PCDHA8: variants seen among roughly 807,000 people sequenced by gnomAD.
The protein encoded by PCDHA8 is protocadherin alpha 8.
Under a neutral mutation model 61.8 loss-of-function variants are expected in PCDHA8, and 53 were observed. The ratio of observed to expected loss-of-function variants is 0.86; its 90% CI spans 0.69 to 1.08. The LOEUF (loss-of-function observed/expected upper bound fraction) is 1.08. Ranked by LOEUF, PCDHA8 falls within the 50% of genes least tolerant of loss-of-function variation. The pLI is 0.00. For missense variants in PCDHA8, 1,293 were observed against 1,245.0 expected (o/e 1.04, Z -0.58); for synonymous variants, 618 against 556.6 (o/e 1.11, Z -1.55).
At chr5:140,956,724 C>T (rs2095305540) in intron 1 of PCDHA8, among the ~76,000 whole-genome samples, 1 of 152,176 alleles carries the variant, frequency 6.6e-6, no homozygotes, top group South Asian at 2.1e-4. Flanking sequence ...AGAATTGGTA[C>T]CAGCTCCTCT....
At chr5:140,969,131 A>C in intron 1 of PCDHA8, 1 of 1,614,138 alleles carries the variant, frequency 6.2e-7, no homozygotes, top group African/African-American at 1.3e-5. Flanking sequence ...CTCCCTCACC[A>C]AGACCTACTG....
At chr5:140,875,874 A>C in intron 1 of PCDHA8, 1 of 1,614,188 alleles carries the variant, frequency 6.2e-7, no homozygotes, top group Non-Finnish European at 8.5e-7. Flanking sequence ...CGGTGTTCAG[A>C]GAAAGGGAAC....
intron 1 of PCDHA8, chr5:140,882,051 A>T: frequency 1.3e-6 from 1 of 757,670 alleles, no homozygotes; most frequent in Non-Finnish European, 2.0e-6. Flanking sequence ...AGTCATACTT[A>T]CACTTACACG....
chr5:140,872,729 A>T (rs578008508), intron 1 of PCDHA8, among the ~76,000 whole-genome samples: 15 of 152,366 alleles, frequency 9.8e-5, no homozygotes, highest in African/African-American at 3.6e-4. Flanking sequence ...AAATTATTCA[A>T]ATTATCTAAA....
In PCDHA8 at chr5:140,869,463, C is replaced by A. The variant is rs1554163094; in HGVS notation, c.2394+25748C>A. On this transcript the variant is annotated intron_variant, in intron 1 of 3. Transcript: ENST00000531613. ...GGCCGCTGCAGGTTTTCCATGTGAACGTGGAGGTGAAGGACATTAACGACA... is the reference window on the plus strand; with the variant it reads ...GGCCGCTGCAGGTTTTCCATGTGAAAGTGGAGGTGAAGGACATTAACGACA... 2 of 1,614,148 alleles carry A rather than the reference C, an allele frequency of 1.2e-6. No homozygotes were observed. Among genetic ancestry groups the A allele is most frequent in the Admixed American group, 1.7e-5 (1 of 60,024 alleles).
intron 3 of PCDHA8, among the ~76,000 whole-genome samples, chr5:141,001,365 T>C (rs577695639): frequency 6.6e-6 from 1 of 152,354 alleles, no homozygotes; most frequent in African/African-American, 2.4e-5. Context: ...AGCCTACTAT[T>C]CTGATTACAG....
Position 140,924,886 on chromosome 5 carries a change from A to C in PCDHA8, c.2395-54063A>C, listed in dbSNP as rs190850675. ...CTCCAGCCTGGGTGACAGAGCAAGAACCTGTCTCAAAAAAAAAAATAAAAT... is the reference window on the plus strand; with the variant it reads ...CTCCAGCCTGGGTGACAGAGCAAGACCCTGTCTCAAAAAAAAAAATAAAAT... On this transcript the variant is annotated intron_variant, in intron 1 of 3. Transcript: ENST00000531613. Among the ~76,000 whole-genome samples, 1,191 of 137,252 alleles carry C rather than the reference A, an allele frequency of 8.7e-3. 7 individuals carry two copies. Among genetic ancestry groups the C allele is most frequent in the African/African-American group, 0.022 (767 of 35,510 alleles). The allele number at this position is 137,252 out of a possible 152,430, so 90.0% of individuals were successfully genotyped here.
At position 140,856,841 on chromosome 5, in the gene PCDHA8, G is replaced by A. The variant is rs781868199; in HGVS notation, c.2394+13126G>A. On this transcript the variant is annotated intron_variant, in intron 1 of 3. Transcript: ENST00000531613. Reference sequence around the variant, plus strand: ...CCAAACATTAGTAATACGGCTCAACGCTTCTGATTCGGATGAAGGAATAAA... The same window carrying A: ...CCAAACATTAGTAATACGGCTCAACACTTCTGATTCGGATGAAGGAATAAA... 1.3e-5 allele frequency: 20 copies of A among 1,592,418 alleles called. 3 individuals are homozygous for A. The highest frequency in any genetic ancestry group is 3.4e-5 in the Admixed American group (2 of 59,178).
chr5:140,971,192 A>G (rs1450514781), intron 1 of PCDHA8, among the ~76,000 whole-genome samples: 3 of 152,178 alleles, frequency 2.0e-5, no homozygotes, highest in Non-Finnish European at 4.4e-5. Context: ...GGAAGCTCAG[A>G]GGAAAGACAC....
intron 1 of PCDHA8, among the ~76,000 whole-genome samples, chr5:140,974,144 A>G (rs868918794): frequency 5.9e-5 from 9 of 152,268 alleles, no homozygotes; most frequent in African/African-American, 1.7e-4. Context: ...CCTGAAAACT[A>G]TACAAGGGTT....
chr5:140,869,233 T>G (rs782097851), intron 1 of PCDHA8: 7 of 1,613,700 alleles, frequency 4.3e-6, no homozygotes, highest in Non-Finnish European at 5.9e-6. Context: ...ACACGGCACC[T>G]TCGTGGGCCG....
intron 1 of PCDHA8, among the ~76,000 whole-genome samples, chr5:140,917,503 T>G (rs1423295268): frequency 6.6e-6 from 1 of 152,208 alleles, no homozygotes; most frequent in African/African-American, 2.4e-5. Flanking sequence ...AGAATGATAT[T>G]TTCTAGGTTT....
chr5:140,983,275 A>C (rs1279699182), intron 3 of PCDHA8, among the ~76,000 whole-genome samples: 1 of 152,230 alleles, frequency 6.6e-6, no homozygotes, highest in Non-Finnish European at 1.5e-5. Flanking sequence ...TGGCTGGGTG[A>C]GTATAGGAAA....
intron 1 of PCDHA8, among the ~76,000 whole-genome samples, chr5:140,943,736 A>G (rs913454195): frequency 3.3e-5 from 5 of 152,266 alleles, no homozygotes; most frequent in Non-Finnish European, 7.3e-5. Context: ...ATGAAAGTCC[A>G]CAGTCTAAAA....
chr5:140,906,878 C>T (rs557095374), intron 1 of PCDHA8, among the ~76,000 whole-genome samples: 1 of 152,332 alleles, frequency 6.6e-6, no homozygotes, highest in East Asian at 1.9e-4. Context: ...AACACTGTAA[C>T]TTCCTTCTTA....
intron 1 of PCDHA8, among the ~76,000 whole-genome samples, chr5:140,893,180 C>G (rs1388898676): frequency 6.6e-6 from 1 of 152,208 alleles, no homozygotes; most frequent in Non-Finnish European, 1.5e-5. Context: ...CACATAGTAG[C>G]TATTGTGAAT....
At chr5:140,961,205 T>C (rs1215243152) in intron 1 of PCDHA8, among the ~76,000 whole-genome samples, 2 of 152,172 alleles carry the variant, frequency 1.3e-5, no homozygotes, top group Non-Finnish European at 2.9e-5. Context: ...GAGGTTGGTA[T>C]TGATGAAGAA....
chr5:140,912,378 T>C (rs1554195314), intron 1 of PCDHA8, among the ~76,000 whole-genome samples: 1 of 152,002 alleles, frequency 6.6e-6, no homozygotes, highest in African/African-American at 2.4e-5. Context: ...GTAAAAGGGA[T>C]TGAGTTCTTA....
intron 3 of PCDHA8, among the ~76,000 whole-genome samples, chr5:140,990,953 A>G (rs371951430): frequency 6.6e-6 from 1 of 152,194 alleles, no homozygotes; most frequent in Non-Finnish European, 1.5e-5. Flanking sequence ...GACTGTAGAA[A>G]TAGTCTCTTA....
Sources: allele counts gnomAD v4.1 joint callset (sites outside exome capture counted in the v4.1 genomes callset), GRCh38; gene constraint gnomAD v4.1.1; transcripts MANE v1.5; gene names NCBI Gene and HGNC (gene_info 2026-07-23, HGNC 2026-07-21).